The following ZNF536 variants were observed in gnomAD, a reference collection of about 807,000 sequenced individuals.
The protein encoded by ZNF536 is zinc finger protein 536.
Under a neutral mutation model 84.5 loss-of-function variants are expected in ZNF536, and 13 were observed. The observed-to-expected ratio is 0.15, with a 90% CI of 0.10 to 0.24. ZNF536 has a LOEUF of 0.24. Among genes scored for constraint, ZNF536 ranks in the 10% least tolerant of loss-of-function variants. The pLI is 1.00. For synonymous variants in ZNF536, 811 were observed against 742.5 expected (o/e 1.09, Z -1.50); for missense variants, 1,536 against 1,747.5 (o/e 0.88, Z 2.16).
At chr19:30,226,636 G>C (rs1455958953), upstream of ZNF536, among the ~76,000 whole-genome samples, 3 of 152,112 alleles carry the variant, frequency 2.0e-5, no homozygotes, top group Admixed American at 6.5e-5. This position sits in a 1 kb window ranked among gnomAD's most constrained non-coding sequence, Gnocchi z 4.6. Context: ...TGCCCCAGCC[G>C]GGCCTCGGCC....
At position 30,297,907 on chromosome 19, in the gene ZNF536, C is replaced by CCG. The variant is rs1890414169; in HGVS notation, c.-120+13767_-120+13768insGC. On this transcript the variant is annotated intron_variant, in intron 2 of 5. Coordinates refer to the ZNF536 transcript ENST00000585628. ...TTTTTTTTTCTCAAGACGGAGTCCC[C>CCG]CCCCCCTCTGTCGCCCAGGCTGGAG... 5.3e-5 allele frequency among the ~76,000 whole-genome samples: 8 copies of CCG among 149,608 alleles called. No individual in the cohort carries two copies. The South Asian group carries it at 1.5e-3, about 29-fold the overall frequency.
chr19:30,471,108 A>C (rs1462469934), intron 2 of ZNF536, among the ~76,000 whole-genome samples: 2 of 150,946 alleles, frequency 1.3e-5, no homozygotes, highest in African/African-American at 4.9e-5. Flanking sequence ...GGTGTACGCC[A>C]CCAGGCCTGG....
intron 1 of ZNF536, among the ~76,000 whole-genome samples, chr19:30,248,701 C>A (rs2024434610): frequency 6.6e-6 from 1 of 152,148 alleles, no homozygotes; most frequent in South Asian, 2.1e-4. Flanking sequence ...CCTAATGGAA[C>A]CAGTGGGACA....
At chr19:30,596,817 A>G (rs1050868993) in intron 1 of ZNF536, among the ~76,000 whole-genome samples, 1 of 151,708 alleles carries the variant, frequency 6.6e-6, no homozygotes, top group African/African-American at 2.4e-5. Flanking sequence ...TGAGGCTGTG[A>G]GATGAGGCAG....
chr19:30,450,322 AG>A (rs898219912), intron 2 of ZNF536, among the ~76,000 whole-genome samples: 14 of 150,886 alleles, frequency 9.3e-5, no homozygotes, highest in Non-Finnish European at 1.9e-4. Flanking sequence ...AGGGGGCTGG[AG>A]GGGGGGAGAG....
At chr19:30,583,027 T>C (rs1174781100) in intron 1 of ZNF536, among the ~76,000 whole-genome samples, 3 of 152,078 alleles carry the variant, frequency 2.0e-5, no homozygotes, top group Non-Finnish European at 2.9e-5. Flanking sequence ...CCTCCCAAAG[T>C]CCTGGGATTA....
chr19:30,370,144 C>T (rs977736079), upstream of ZNF536, among the ~76,000 whole-genome samples: 1 of 152,158 alleles, frequency 6.6e-6, no homozygotes, highest in African/African-American at 2.4e-5. Flanking sequence ...CAGTTAAACT[C>T]GTTAAAAAGC....
chr19:30,264,132 C>T (rs975688282), intron 1 of ZNF536, among the ~76,000 whole-genome samples: 2 of 152,184 alleles, frequency 1.3e-5, no homozygotes, highest in African/African-American at 4.8e-5. Context: ...CATGGTGGCG[C>T]TCCCAGCCAA....
chr19:30,436,481 A>G, intron 1 of ZNF536: 4 of 985,312 alleles, frequency 4.1e-6, no homozygotes, highest in Non-Finnish European at 3.6e-6. Context: ...TCAAAAAAAA[A>G]AAATGCACTT....
chr19:30,412,813 C>T (rs988690336), intron 1 of ZNF536, among the ~76,000 whole-genome samples: 10 of 151,760 alleles, frequency 6.6e-5, no homozygotes, highest in African/African-American at 1.7e-4. Context: ...TATACAGAGA[C>T]GATCTGTTTC....
At chr19:30,705,408 GTGTA>G (rs1239532826) in intron 1 of ZNF536, among the ~76,000 whole-genome samples, 1 of 152,170 alleles carries the variant, frequency 6.6e-6, no homozygotes, top group African/African-American at 2.4e-5. Context: ...TTATGTGTGT[GTGTA>G]TGTGTGTTTG....
chr19:30,589,505 G>A (rs1255915390), intron 1 of ZNF536, among the ~76,000 whole-genome samples: 7 of 152,314 alleles, frequency 4.6e-5, no homozygotes, highest in East Asian at 3.9e-4. Flanking sequence ...TGTTGAAACC[G>A]ATTACCTCCT....
At chr19:30,402,794 A>ATATATATATATATAT (rs1555744970) in intron 1 of ZNF536, among the ~76,000 whole-genome samples, 2 of 76,736 alleles carry the variant, frequency 2.6e-5, no homozygotes, top group African/African-American at 4.3e-5. Flanking sequence ...TTAAAATTAA[A>ATATATATATATATAT]AAATATATAT....
intron 1 of ZNF536, among the ~76,000 whole-genome samples, chr19:30,264,395 CTG>C (rs66665013): frequency 0.093 from 11,529 of 124,338 alleles, 1,075 homozygotes; most frequent in African/African-American, 0.23. Flanking sequence ...AGTTGTGCCT[CTG>C]TGTGTGTGTG....
Position 30,708,586 on chromosome 19 carries a change from T to C in ZNF536, c.170-2171T>C, listed in dbSNP as rs144224973. On this transcript the variant is annotated intron_variant, in intron 1 of 1. Transcript: ENST00000592773. ...CATGAAGGCCACCCGCGGGCTGCCA[T>C]GTTCATAGTCTAGACAATAATTGGT... is the stretch of plus-strand genomic sequence containing the variant. 2.0e-4 allele frequency among the ~76,000 whole-genome samples: 30 copies of C among 152,278 alleles called. No homozygotes were observed. The East Asian group carries it at 3.1e-3, about 16-fold the overall frequency.
intron 2 of ZNF536, among the ~76,000 whole-genome samples, chr19:30,512,281 G>C (rs963578850): frequency 6.6e-6 from 1 of 152,106 alleles, no homozygotes. Context: ...TTAAAATGTC[G>C]TTCAGAACAT....
chr19:30,326,791 CTTTTTTTTTTTTTTT>C (rs869076590), intron 2 of ZNF536, among the ~76,000 whole-genome samples: 14 of 51,958 alleles, frequency 2.7e-4, no homozygotes, highest in Middle Eastern at 0.021. Flanking sequence ...TTATAAAAAG[CTTTTTTTTTTTTTTT>C]TTTTTTTTTT....
At chr19:30,613,573 G>A (rs1001634756) in intron 1 of ZNF536, among the ~76,000 whole-genome samples, 6 of 152,080 alleles carry the variant, frequency 3.9e-5, no homozygotes, top group African/African-American at 1.4e-4. Context: ...TTGGCAATTG[G>A]GAGCATCTTC....
chr19:30,477,388 C>T (rs761696994), intron 2 of ZNF536, among the ~76,000 whole-genome samples: 2 of 152,106 alleles, frequency 1.3e-5, no homozygotes, highest in Non-Finnish European at 2.9e-5. Flanking sequence ...TCATACACAG[C>T]AGTAAGTACT....
Sources: allele counts gnomAD v4.1 joint callset (sites outside exome capture counted in the v4.1 genomes callset), GRCh38; gene constraint gnomAD v4.1.1; non-coding constraint Gnocchi (gnomAD v3.1); transcripts MANE v1.5; gene names NCBI Gene and HGNC (gene_info 2026-07-23, HGNC 2026-07-21).